Variants in SGCB observed in about 807,000 individuals in gnomAD.
SGCB encodes the protein beta-sarcoglycan.
Under a neutral mutation model 27.3 loss-of-function variants are expected in SGCB, and 25 were observed. That is an observed-to-expected ratio of 0.92 (90% CI 0.67 to 1.28). The LOEUF is 1.28. SGCB is among the 50% of genes most tolerant of loss of function. The pLI, the probability that SGCB is intolerant of heterozygous loss-of-function variation, is 0.00. For missense variants in SGCB, 436 were observed against 402.1 expected (o/e 1.08, Z -0.72); for synonymous variants, 147 against 133.5 (o/e 1.10, Z -0.70).
chr4:52,034,474 G>T (rs761377627), intron 1 of SGCB, among the ~76,000 whole-genome samples: 17 of 138,626 alleles, frequency 1.2e-4, no homozygotes, highest in Non-Finnish European at 2.3e-4. Flanking sequence ...TGTTTACATT[G>T]TGTTCAGTGT....
chr4:52,035,971 T>C (rs967437575), intron 1 of SGCB, among the ~76,000 whole-genome samples: 2 of 152,192 alleles, frequency 1.3e-5, no homozygotes, highest in Non-Finnish European at 2.9e-5. Flanking sequence ...ATTGAATAGT[T>C]ACTATAAGCC....
At chr4:52,032,013 C>A in intron 2 of SGCB, 1 of 452,116 alleles carries the variant, frequency 2.2e-6, no homozygotes, top group Non-Finnish European at 4.4e-6. Flanking sequence ...GTCTCAGGAC[C>A]CAGACTTTCC....
In SGCB at chr4:52,027,951, C is replaced by G. The variant is rs931017551; in HGVS notation, c.753+17G>C. The G allele has an allele frequency of 9.3e-6, 15 of 1,611,812 alleles. No individual in the cohort carries two copies. Among genetic ancestry groups the G allele is most frequent in the African/African-American group, 1.3e-5 (1 of 74,998 alleles). Reference sequence around the variant, plus strand: ...AAGAACCTAATAATTCTCTTAAGCTCTTAAAAGAATACTCACCGCCTTTAA... The same window carrying G: ...AAGAACCTAATAATTCTCTTAAGCTGTTAAAAGAATACTCACCGCCTTTAA... On this transcript the variant is annotated intron_variant, in intron 5 of 5. Coordinates refer to ENST00000381431, the MANE Select transcript of SGCB (RefSeq NM_000232.5).
At chr4:52,033,845 A>T (rs1737314451) in intron 1 of SGCB, among the ~76,000 whole-genome samples, 1 of 152,216 alleles carries the variant, frequency 6.6e-6, no homozygotes, top group African/African-American at 2.4e-5. Context: ...CTTCAAGGTC[A>T]CTATCTGATA....
At position 52,033,625 on chromosome 4, in the gene SGCB, G is replaced by A; in HGVS notation, c.49C>T (p.Pro17Ser). 1 of 1,613,066 alleles carries A rather than the reference G, an allele frequency of 6.2e-7. No homozygotes were observed. Among genetic ancestry groups the A allele is most frequent in the Non-Finnish European group, 8.5e-7 (1 of 1,179,196 alleles). The change falls in exon 2 of 6, where the codon CCT becomes TCT. Residue 17 changes from proline (P) to serine (S), a missense_variant. Coordinates refer to ENST00000381431, the MANE Select transcript of SGCB (RefSeq NM_000232.5). The part of the protein sequence containing the change: ...AAAEQQSSNG[P>S]VKKSMREKAV... ...TTCTCACGCATGGACTTCTTTACAG[G>A]ACCATTGGAACTTTGCTAAAAATGA...
intron 5 of SGCB, among the ~76,000 whole-genome samples, chr4:52,025,586 G>A (rs116626476): frequency 0.02 from 3,077 of 152,298 alleles, 48 homozygotes; most frequent in Non-Finnish European, 0.03. Flanking sequence ...CATGTAGGCA[G>A]GGAATAGACT....
At chr4:52,025,508 GGAA>G (rs1460244667) in intron 5 of SGCB, among the ~76,000 whole-genome samples, 4 of 152,196 alleles carry the variant, frequency 2.6e-5, no homozygotes, top group Non-Finnish European at 4.4e-5. Flanking sequence ...AGGCCAGTGT[GGAA>G]GAAGCACGGA....
chr4:52,024,295 A>G (rs1737030436), intron 5 of SGCB, 135 bp from the exon 6 acceptor site: 2 of 684,576 alleles, frequency 2.9e-6, no homozygotes, highest in Non-Finnish European at 5.1e-6. Flanking sequence ...CAAAACAACA[A>G]CAGCAACAAT....
chr4:52,036,261 G>A (rs533205527), intron 1 of SGCB, among the ~76,000 whole-genome samples: 2 of 152,336 alleles, frequency 1.3e-5, no homozygotes, highest in South Asian at 4.1e-4. Flanking sequence ...GGTCACTCTA[G>A]GCAGAGGAAG....
intron 1 of SGCB, among the ~76,000 whole-genome samples, chr4:52,034,613 C>T (rs1737338244): frequency 6.6e-6 from 1 of 151,916 alleles, no homozygotes; most frequent in South Asian, 2.1e-4. Context: ...GGTCCTGAGA[C>T]CAATCCCCCA....
intron 3 of SGCB, among the ~76,000 whole-genome samples, 198 bp downstream of exon 3, chr4:52,029,480 T>C (rs1404155035): frequency 6.6e-6 from 1 of 152,110 alleles, no homozygotes; most frequent in African/African-American, 2.4e-5. Context: ...ATAAAAGCAA[T>C]AGTATTATTA....
chr4:52,037,365 C>T (rs535553887), intron 1 of SGCB, among the ~76,000 whole-genome samples: 3 of 152,246 alleles, frequency 2.0e-5, no homozygotes, highest in East Asian at 3.9e-4. Flanking sequence ...AGTTAATTAT[C>T]TAAGAAAATC....
chr4:52,033,327 CAA>C (rs1416826684), intron 2 of SGCB, 102 bp downstream of exon 2: 1 of 744,128 alleles, frequency 1.3e-6, no homozygotes, highest in Non-Finnish European at 2.4e-6. Flanking sequence ...CAGTAAGAGA[CAA>C]GACATGTATA....
In SGCB at chr4:52,033,496, T is replaced by C. The variant is rs1320144493; in HGVS notation, c.178A>G (p.Arg60Gly). The C allele has an allele frequency of 1.9e-6, 3 of 1,613,950 alleles. No homozygotes were observed. Among genetic ancestry groups the C allele is most frequent in the Admixed American group, 3.3e-5 (2 of 60,034 alleles). The change falls in exon 2 of 6, where the codon AGA becomes GGA. Residue 60 changes from arginine (R) to glycine (G), a missense_variant. Coordinates refer to ENST00000381431, the MANE Select transcript of SGCB (RefSeq NM_000232.5). ...DRLHKTGLRGRKGNLAICVII... is the reference protein window; with the variant it reads ...DRLHKTGLRGGKGNLAICVII... ...ACACAGATGGCTAAATTGCCCTTTC[T>C]TCCTCTCAACCCTGTTTTGTGGAGA...
At chr4:52,035,193 G>A (rs990225843) in intron 1 of SGCB, among the ~76,000 whole-genome samples, 5 of 152,174 alleles carry the variant, frequency 3.3e-5, no homozygotes, top group Non-Finnish European at 5.9e-5. Context: ...TGTTGAATAC[G>A]CATGTATTAA....
intron 4 of SGCB, 47 bp downstream of exon 4, chr4:52,028,683 A>G: frequency 1.5e-6 from 2 of 1,344,298 alleles, no homozygotes; most frequent in Middle Eastern, 2.1e-4. Context: ...TTATAACTCT[A>G]GAGAATAATT....
chr4:52,034,565 AG>A (rs1304453462), intron 1 of SGCB, among the ~76,000 whole-genome samples: 1 of 151,970 alleles, frequency 6.6e-6, no homozygotes, highest in Non-Finnish European at 1.5e-5. Flanking sequence ...ACTTTATATA[AG>A]GGACTTGAGC....
chr4:52,028,505 G>A (rs1019414214), intron 4 of SGCB, among the ~76,000 whole-genome samples: 9 of 152,024 alleles, frequency 5.9e-5, no homozygotes, highest in Admixed American at 2.0e-4. Flanking sequence ...GCATGGTGGC[G>A]CGCGCCTGTA....
At chr4:52,025,894 A>G (rs1032697964) in intron 5 of SGCB, among the ~76,000 whole-genome samples, 2 of 152,228 alleles carry the variant, frequency 1.3e-5, no homozygotes, top group African/African-American at 4.8e-5. Flanking sequence ...ATGGTACAAG[A>G]ATACTGAAAG....
Sources: allele counts gnomAD v4.1 joint callset (sites outside exome capture counted in the v4.1 genomes callset), GRCh38; gene constraint gnomAD v4.1.1; transcripts MANE v1.5; gene names NCBI Gene and HGNC (gene_info 2026-07-23, HGNC 2026-07-21).